DLGAP4: variants seen among roughly 807,000 people sequenced by gnomAD.
The protein encoded by DLGAP4 is DLG associated protein 4.
A neutral mutation model predicts 86.9 loss-of-function variants in DLGAP4; 18 were observed. The observed-to-expected ratio is 0.21, with a 90% CI of 0.14 to 0.31. DLGAP4 has a LOEUF of 0.31. Among genes scored for constraint, DLGAP4 ranks in the 10% least tolerant of loss-of-function variants. The pLI is 1.00. For synonymous variants in DLGAP4, 548 were observed against 574.3 expected, an observed-to-expected ratio of 0.95 and a Z score of 0.65; for missense variants, 1,085 against 1,362.6, an observed-to-expected ratio of 0.80 and a Z score of 3.21.
intron 1 of DLGAP4, among the ~76,000 whole-genome samples, chr20:36,362,128 G>GA (rs1247764082): frequency 2.6e-5 from 4 of 151,544 alleles, no homozygotes; most frequent in Non-Finnish European, 4.4e-5. Context: ...CCCATCTCTA[G>GA]AAAAAATACA....
intron 4 of DLGAP4, among the ~76,000 whole-genome samples, chr20:36,437,861 C>T (rs1600528538): frequency 1.3e-5 from 2 of 152,158 alleles, no homozygotes; most frequent in Non-Finnish European, 2.9e-5. Flanking sequence ...AAGGACACCA[C>T]CAGACAATCC....
rs772768118 is a variant in DLGAP4, at chr20:36,436,311, C to G, written c.1202C>G (p.Ala401Gly). ...TAARRQSYLR[A>G]TQQSLGEQSN... ...GCGCGGCGCCAGAGCTATCTGAGGG[C>G]CACGCAGCAGTCGCTGGGAGAGCAG... Residue 401 changes from alanine to glycine, a missense_variant, in exon 4 of 13, where the codon GCC becomes GGC. Ala to Gly is a moderately conservative substitution (Grantham distance 60). This residue lies in a region of DLGAP4 where 1,082 missense variants were observed against 1,344.1 expected (regional missense o/e 0.81). Coordinates refer to ENST00000339266, the MANE Select transcript of DLGAP4 (RefSeq NM_001365621.2). The G allele has an allele frequency of 1.2e-6, 2 of 1,603,364 alleles. No individual in the cohort carries two copies. The highest frequency in any genetic ancestry group is 1.7e-6 in the Non-Finnish European group (2 of 1,178,642).
chr20:36,351,041 G>A (rs1555893418), intron 1 of DLGAP4, among the ~76,000 whole-genome samples: 2 of 152,258 alleles, frequency 1.3e-5, no homozygotes, highest in Non-Finnish European at 1.5e-5. Flanking sequence ...CCTCCGGCGA[G>A]TGACTTCACC....
At chr20:36,348,975 C>T (rs949051274) in intron 1 of DLGAP4, among the ~76,000 whole-genome samples, 7 of 150,938 alleles carry the variant, frequency 4.6e-5, no homozygotes, top group African/African-American at 9.8e-5. Context: ...TGGTGGTGTG[C>T]GCCTGTAATC....
chr20:36,513,047 G>A (rs952380887), intron 10 of DLGAP4, among the ~76,000 whole-genome samples: 1 of 139,316 alleles, frequency 7.2e-6, no homozygotes, highest in African/African-American at 2.7e-5. Flanking sequence ...CACCTGCCAG[G>A]CTCAAGCAAT....
intron 1 of DLGAP4, among the ~76,000 whole-genome samples, chr20:36,315,751 A>T (rs2065093215): frequency 6.6e-6 from 1 of 152,114 alleles, no homozygotes; most frequent in South Asian, 2.1e-4. Flanking sequence ...AGAAGGTTCC[A>T]GAGCAGGGCA....
chr20:36,514,678 T>C (rs2036931470), intron 10 of DLGAP4, among the ~76,000 whole-genome samples: 1 of 151,992 alleles, frequency 6.6e-6, no homozygotes, highest in African/African-American at 2.4e-5. Flanking sequence ...CCTCCCACAG[T>C]GTTAGGATTA....
intron 7 of DLGAP4, among the ~76,000 whole-genome samples, chr20:36,463,018 G>C (rs1214993313): frequency 6.6e-6 from 1 of 151,066 alleles, no homozygotes; most frequent in African/African-American, 2.4e-5. Context: ...GGTGGGGGTG[G>C]GGTCAGCCTC....
chr20:36,474,557 C>T (rs2034824308), intron 7 of DLGAP4, among the ~76,000 whole-genome samples: 1 of 152,194 alleles, frequency 6.6e-6, no homozygotes, highest in Admixed American at 6.5e-5. Context: ...TTGCCTTCCC[C>T]CTGGCGTGGC....
Position 36,525,866 on chromosome 20 carries a change from C to G in DLGAP4, c.2620C>G (p.Pro874Ala). Reference protein sequence around the residue: ...CEQNLNPDANPRPTAQDLAGF... With the variant: ...CEQNLNPDANARPTAQDLAGF... The stretch of plus-strand genomic sequence containing the variant: ...TGGCCCACAGAACCCTGATGCCAAC[C>G]CACGCCCCACAGCCCAGGACCTGGC... The change falls in exon 12 of 13, where the codon CCA becomes GCA. Residue 874 changes from proline to alanine, a missense_variant. Transcript: ENST00000339266. 6.2e-7 allele frequency: 1 copy of G among 1,613,546 alleles called. No individual in the cohort carries two copies. The highest frequency in any genetic ancestry group is 8.5e-7 in the Non-Finnish European group (1 of 1,179,946).
chr20:36,461,419 A>T, intron 7 of DLGAP4: 3 of 954,986 alleles, frequency 3.1e-6, no homozygotes, highest in Non-Finnish European at 3.7e-6. Context: ...GGGGGCGGGG[A>T]GGGGCGGGGC....
intron 7 of DLGAP4, among the ~76,000 whole-genome samples, chr20:36,457,578 A>G (rs1277742420): frequency 6.6e-6 from 1 of 151,860 alleles, no homozygotes; most frequent in East Asian, 1.9e-4. Context: ...ACGGGGTTTC[A>G]CTATGTTGGC....
chr20:36,500,674 G>A lies in DLGAP4; in HGVS notation c.2512+63G>A. 7.3e-7 allele frequency: 1 copy of A among 1,376,318 alleles called. No individual in the cohort carries two copies. Among genetic ancestry groups the A allele is most frequent in the Non-Finnish European group, 9.5e-7 (1 of 1,058,008 alleles). The allele number at this position is 1,376,318 out of a possible 1,614,324, so 85.3% of individuals were successfully genotyped here. Reference sequence around the variant, plus strand: ...AGGTGTTGGCAGCTGGTTTCAGCTGGTGGCCAGCAGCTTCCGAACTTCTGA... The same window carrying A: ...AGGTGTTGGCAGCTGGTTTCAGCTGATGGCCAGCAGCTTCCGAACTTCTGA... On this transcript the variant is annotated intron_variant, in intron 10 of 12. Transcript: ENST00000339266. The surrounding 1 kb of genome is among the most constrained non-coding windows in gnomAD (Gnocchi z 4.6).
chr20:36,433,186 A>T (rs1452716155), intron 3 of DLGAP4, among the ~76,000 whole-genome samples: 1 of 152,208 alleles, frequency 6.6e-6, no homozygotes, highest in African/African-American at 2.4e-5. Flanking sequence ...AGATGGACAG[A>T]TGGACAATTA....
chr20:36,505,784 G>GA (rs1364222226), intron 10 of DLGAP4, among the ~76,000 whole-genome samples: 1 of 151,956 alleles, frequency 6.6e-6, no homozygotes, highest in Non-Finnish European at 1.5e-5. Flanking sequence ...GTCTCAAAAG[G>GA]AAAAAATCAT....
rs2033124770 is a variant in DLGAP4, at chr20:36,431,319, GC to G, written c.-72-321del. 6.6e-6 allele frequency among the ~76,000 whole-genome samples: 1 copy of G among 152,084 alleles called. No homozygotes were observed. Among genetic ancestry groups the G allele is most frequent in the Non-Finnish European group, 1.5e-5 (1 of 68,022 alleles). On this transcript the variant is annotated intron_variant, in intron 2 of 12. Transcript: ENST00000339266. The surrounding 1 kb of genome is among the most constrained non-coding windows in gnomAD (Gnocchi z 5.1). The stretch of plus-strand genomic sequence containing the variant: ...ACGGAAAGAGAGTGGAGGATGGGCA[GC>G]CCCCCACCCATATTTCATCATGGAA...
chr20:36,461,578 T>G, intron 7 of DLGAP4: 1 of 958,850 alleles, frequency 1.0e-6, no homozygotes, highest in Non-Finnish European at 1.2e-6. Context: ...ACGTCGTCGC[T>G]GCCGCCTCCT....
At chr20:36,313,723 C>T (rs977023917) in intron 1 of DLGAP4, among the ~76,000 whole-genome samples, 4 of 130 alleles carry the variant, frequency 0.031, no homozygotes, top group South Asian at 0.25. Flanking sequence ...TGTGGTCATC[C>T]GTTTTAACAT....
At position 36,510,599 on chromosome 20, in the gene DLGAP4, T is replaced by C. The variant is rs986933860; in HGVS notation, c.2512+9988T>C. Among the ~76,000 whole-genome samples, 5 of 151,722 alleles carry C rather than the reference T, an allele frequency of 3.3e-5. No homozygotes were observed. In the South Asian group the frequency reaches 1.0e-3, roughly 32 times the overall value. On this transcript the variant is annotated intron_variant, in intron 10 of 12. Coordinates refer to ENST00000339266, the MANE Select transcript of DLGAP4 (RefSeq NM_001365621.2). ...CTAATTTTTGTATTTCTACTAGAGA[T>C]GGGGTTTCACCGTGTTGGCCAGGCT...
Sources: allele counts gnomAD v4.1 joint callset (sites outside exome capture counted in the v4.1 genomes callset), GRCh38; gene constraint gnomAD v4.1.1; regional missense constraint gnomAD v4.1.1; non-coding constraint Gnocchi (gnomAD v3.1); transcripts MANE v1.5; gene names NCBI Gene and HGNC (gene_info 2026-07-23, HGNC 2026-07-21).